CPNE8: variants seen among roughly 807,000 people sequenced by gnomAD.
CPNE8 encodes copine-8.
Under a neutral mutation model 81.5 loss-of-function variants are expected in CPNE8, and 45 were observed. The ratio of observed to expected loss-of-function variants is 0.55; its 90% CI spans 0.44 to 0.71. The LOEUF (loss-of-function observed/expected upper bound fraction) is 0.71, where lower values mean the gene tolerates loss of function less well. Among genes scored for constraint, CPNE8 ranks in the 30% least tolerant of loss-of-function variants. CPNE8 has a pLI of 0.00. For synonymous variants in CPNE8, 252 were observed against 226.3 expected, an observed-to-expected ratio of 1.11 and a Z score of -1.02; for missense variants, 594 against 672.1, an observed-to-expected ratio of 0.88 and a Z score of 1.28.
At chr12:38,682,552 CA>C (rs1939434336) in intron 16 of CPNE8, among the ~76,000 whole-genome samples, 2 of 152,302 alleles carry the variant, frequency 1.3e-5, no homozygotes, top group Admixed American at 1.3e-4. Flanking sequence ...AGCAAACAAA[CA>C]AAACCTCATG....
chr12:38,862,066 A>C (rs1943844280), intron 3 of CPNE8, among the ~76,000 whole-genome samples: 2 of 152,124 alleles, frequency 1.3e-5, no homozygotes, highest in Admixed American at 1.3e-4. Context: ...CTTTCCAATG[A>C]AAGTTTTTAC....
chr12:38,810,440 A>G (rs1942911554), intron 6 of CPNE8, among the ~76,000 whole-genome samples: 1 of 152,180 alleles, frequency 6.6e-6, no homozygotes. Context: ...TTTCTGGAGT[A>G]GACTTTCCTG....
chr12:38,686,369 G>A (rs1482733663), intron 15 of CPNE8, among the ~76,000 whole-genome samples: 1 of 152,168 alleles, frequency 6.6e-6, no homozygotes, highest in Non-Finnish European at 1.5e-5. Context: ...TTTAACCCAA[G>A]CTCTTATTCT....
intron 13 of CPNE8, among the ~76,000 whole-genome samples, chr12:38,721,787 C>T (rs540312225): frequency 1.3e-5 from 2 of 152,196 alleles, no homozygotes; most frequent in Admixed American, 6.5e-5. Flanking sequence ...TTCAAGCTTT[C>T]GGGTGCCACT....
intron 1 of CPNE8, among the ~76,000 whole-genome samples, chr12:38,891,862 T>C (rs1944318835): frequency 6.6e-6 from 1 of 152,264 alleles, no homozygotes; most frequent in African/African-American, 2.4e-5. Flanking sequence ...ATTGAAAACC[T>C]TTCATGTGCA....
chr12:38,671,430 T>A (rs1336350693), intron 18 of CPNE8, among the ~76,000 whole-genome samples: 1 of 152,174 alleles, frequency 6.6e-6, no homozygotes, highest in Non-Finnish European at 1.5e-5. Flanking sequence ...AATTTTGACA[T>A]TTCCTAGATC....
At chr12:38,881,028 G>A (rs894109195) in intron 1 of CPNE8, among the ~76,000 whole-genome samples, 3 of 151,762 alleles carry the variant, frequency 2.0e-5, no homozygotes, top group African/African-American at 7.3e-5. Flanking sequence ...AGCTAACACG[G>A]TGAAACCCCG....
intron 8 of CPNE8, among the ~76,000 whole-genome samples, chr12:38,765,700 G>A (rs1051536954): frequency 6.6e-6 from 1 of 152,104 alleles, no homozygotes; most frequent in Admixed American, 6.5e-5. Context: ...TATCTGGATC[G>A]AGCTGGCAAA....
chr12:38,798,071 C>A (rs945834305), intron 6 of CPNE8, among the ~76,000 whole-genome samples: 1 of 152,128 alleles, frequency 6.6e-6, no homozygotes, highest in Admixed American at 6.5e-5. Context: ...ATCTACGTCT[C>A]ATTGGTGTAC....
At chr12:38,786,891 C>A (rs534671126) in intron 6 of CPNE8, among the ~76,000 whole-genome samples, 2 of 152,188 alleles carry the variant, frequency 1.3e-5, no homozygotes, top group Admixed American at 6.5e-5. Context: ...TACAATTATA[C>A]TGGAGACTGG....
In CPNE8 at chr12:38,673,560, G is replaced by A. The variant is rs12226910; in HGVS notation, c.1432+2157C>T. Among the ~76,000 whole-genome samples, 263 of 152,122 alleles carry A rather than the reference G, an allele frequency of 1.7e-3. 1 individual carries two copies. The East Asian group carries it at 0.03, about 17-fold the overall frequency. ...ATATTTTAGAGAAGCACCTGTTGTC[G>A]CCTAGCAGAATAATCTACTTTTCTA... On this transcript the variant is annotated intron_variant, in intron 18 of 19. Coordinates refer to ENST00000331366, the MANE Select transcript of CPNE8 (RefSeq NM_153634.3).
chr12:38,799,948 C>G (rs1288784686), intron 6 of CPNE8, among the ~76,000 whole-genome samples: 1 of 150,916 alleles, frequency 6.6e-6, no homozygotes, highest in African/African-American at 2.4e-5. Context: ...GCTTTTCAGA[C>G]CGGCTTAAGA....
At chr12:38,817,597 T>C (rs1943046339) in intron 6 of CPNE8, among the ~76,000 whole-genome samples, 1 of 150,864 alleles carries the variant, frequency 6.6e-6, no homozygotes, top group African/African-American at 2.4e-5. Context: ...TCGTTTAAAG[T>C]TACACATTAA....
intron 7 of CPNE8, among the ~76,000 whole-genome samples, chr12:38,774,280 C>CA (rs1265076574): frequency 8.6e-5 from 13 of 152,042 alleles, no homozygotes; most frequent in African/African-American, 3.1e-4. Context: ...TCAATAAACT[C>CA]AAGATTTTGA....
intron 3 of CPNE8, among the ~76,000 whole-genome samples, chr12:38,849,794 T>C (rs1427394085): frequency 1.3e-5 from 2 of 150,598 alleles, no homozygotes; most frequent in Non-Finnish European, 3.0e-5. Flanking sequence ...GAATTTACTT[T>C]AAACAATAAT....
At chr12:38,668,885 T>TA (rs1228359443) in intron 19 of CPNE8, among the ~76,000 whole-genome samples, 1 of 151,376 alleles carries the variant, frequency 6.6e-6, no homozygotes, top group Non-Finnish European at 1.5e-5. Flanking sequence ...CCATCTCTAC[T>TA]AAAAAAATAC....
intron 13 of CPNE8, among the ~76,000 whole-genome samples, chr12:38,719,392 C>T (rs1940492855): frequency 6.6e-6 from 1 of 151,842 alleles, no homozygotes; most frequent in African/African-American, 2.4e-5. Flanking sequence ...TCACTCGAGG[C>T]CAGGAGTTCA....
chr12:38,653,541 G>T lies in CPNE8; in HGVS notation c.*341C>A, dbSNP rs1043466845. On this transcript the variant is annotated 3_prime_UTR_variant, in exon 20 of 20. Coordinates refer to ENST00000331366, the MANE Select transcript of CPNE8 (RefSeq NM_153634.3). ...AGACTGCTTTCCTATACACATAGCA[G>T]TCGAAGACAATATTTGAGTTAAAAA... 4 of 196,292 alleles carry T rather than the reference G, an allele frequency of 2.0e-5. No homozygotes were observed. Among genetic ancestry groups the T allele is most frequent in the Non-Finnish European group, 4.0e-5 (4 of 100,596 alleles). The allele number at this position is 196,292 out of a possible 1,614,324, so 12.2% of individuals were successfully genotyped here.
chr12:38,762,281 T>C (rs1415175178), intron 8 of CPNE8, 65 bp from the exon 9 acceptor site: 4 of 834,996 alleles, frequency 4.8e-6, no homozygotes, highest in Non-Finnish European at 7.4e-6. Context: ...ATTGTTTTAG[T>C]AGCCATTCCT....
Sources: allele counts gnomAD v4.1 joint callset (sites outside exome capture counted in the v4.1 genomes callset), GRCh38; gene constraint gnomAD v4.1.1; transcripts MANE v1.5; gene names NCBI Gene and HGNC (gene_info 2026-07-23, HGNC 2026-07-21).